RANBP2: variants seen among roughly 807,000 people sequenced by gnomAD.
RANBP2 encodes the protein E3 SUMO-protein ligase RanBP2.
RANBP2 carries 57 observed loss-of-function variants against 303.6 expected under a neutral mutation model. The ratio of observed to expected loss-of-function variants is 0.19; its 90% CI spans 0.15 to 0.23. The LOEUF (loss-of-function observed/expected upper bound fraction) is 0.23. RANBP2 is among the 10% of genes least tolerant of loss of function. RANBP2 has a pLI of 1.00. For missense variants in RANBP2, 3,138 were observed against 3,780.8 expected, an observed-to-expected ratio of 0.83 and a Z score of 4.46; for synonymous variants, 1,167 against 1,301.5, an observed-to-expected ratio of 0.90 and a Z score of 2.23.
At chr2:109,625,430 G>A in the RANBP2 span, among the ~76,000 whole-genome samples, 5 of 151,650 alleles carry the variant, frequency 3.3e-5, no homozygotes, top group Admixed American at 2.0e-4. Context: ...CGAGGCAGGC[G>A]GATCGCGAGG....
chr2:109,451,331 G>C, the RANBP2 span, among the ~76,000 whole-genome samples: 1 of 152,132 alleles, frequency 6.6e-6, no homozygotes, highest in East Asian at 1.9e-4. Context: ...GGGAGAGGTG[G>C]GATTCACAGT....
chr2:109,031,402 C>CAGCCCCGT, the RANBP2 span, among the ~76,000 whole-genome samples: 6 of 152,178 alleles, frequency 3.9e-5, no homozygotes, highest in Non-Finnish European at 5.9e-5. Context: ...ATAAGGTTAT[C>CAGCCCCGT]AGCCCCGTTC....
chr2:108,843,238 A>G, the RANBP2 span, among the ~76,000 whole-genome samples: 3 of 151,938 alleles, frequency 2.0e-5, no homozygotes, highest in South Asian at 2.1e-4. Context: ...GCTCACTGCA[A>G]CCTCCGTCTG....
the RANBP2 span, among the ~76,000 whole-genome samples, chr2:109,096,741 C>CT: frequency 6.6e-6 from 1 of 150,682 alleles, no homozygotes; most frequent in Admixed American, 6.6e-5. Flanking sequence ...GCTGGCGATC[C>CT]TTTTTTGTTT....
the RANBP2 span, among the ~76,000 whole-genome samples, chr2:109,325,196 T>A: frequency 6.6e-6 from 1 of 152,096 alleles, no homozygotes; most frequent in Non-Finnish European, 1.5e-5. Flanking sequence ...AAGATCAGTG[T>A]CTCACTTCAT....
At chr2:109,732,937 G>A in the RANBP2 span, 1 of 684,752 alleles carries the variant, frequency 1.5e-6, no homozygotes, top group East Asian at 3.2e-5. Context: ...GAGAGGAACT[G>A]TCAAACGGTG....
At chr2:109,350,597 C>T in the RANBP2 span, among the ~76,000 whole-genome samples, 3 of 152,176 alleles carry the variant, frequency 2.0e-5, no homozygotes, top group Admixed American at 6.5e-5. Flanking sequence ...CCTCAGTGTC[C>T]GCAAATAAAG....
At chr2:108,740,827 A>G in intron 7 of RANBP2, 146 bp downstream of exon 7, 1 of 1,375,342 alleles carries the variant, frequency 7.3e-7, no homozygotes, top group Non-Finnish European at 9.9e-7. Flanking sequence ...AGTGGAAAAT[A>G]ACTAAGCATA....
At chr2:108,768,847 G>A (rs1382257741) in intron 20 of RANBP2, among the ~76,000 whole-genome samples, 12 of 152,158 alleles carry the variant, frequency 7.9e-5, no homozygotes, top group South Asian at 2.1e-4. Context: ...AGCCTGGCCA[G>A]CATGGTGAAA....
At chr2:108,771,969 T>C (rs1368728381) in intron 21 of RANBP2, 98 bp downstream of exon 21, 10 of 1,416,246 alleles carry the variant, frequency 7.1e-6, no homozygotes, top group Middle Eastern at 1.8e-4. Context: ...TTAGAACTTA[T>C]CACTAATATC....
the RANBP2 span, among the ~76,000 whole-genome samples, chr2:109,462,819 T>TA: frequency 6.6e-6 from 1 of 152,170 alleles, no homozygotes; most frequent in Non-Finnish European, 1.5e-5. Flanking sequence ...GGACATGAGA[T>TA]AAAACTCCAC....
chr2:109,154,898 T>C, the RANBP2 span, among the ~76,000 whole-genome samples: 117 of 152,344 alleles, frequency 7.7e-4, 2 homozygotes, highest in African/African-American at 2.8e-3. Flanking sequence ...TCCAGCTTCC[T>C]CAGGTGGCCT....
rs181871221 is a variant in RANBP2 at position 108,736,352 on chromosome 2, T to G, written c.782+103T>G. 1,912 of 1,599,816 alleles carry G rather than the reference T, an allele frequency of 1.2e-3. 4 individuals carry two copies. Among genetic ancestry groups the G allele is most frequent in the Non-Finnish European group, 1.5e-3 (1,699 of 1,169,708 alleles). On this transcript the variant is annotated intron_variant, in intron 6 of 28. Coordinates refer to ENST00000283195, the MANE Select transcript of RANBP2 (RefSeq NM_006267.5). ...CTTCACTGAATCATTATTTGTATAATGTACCTAGGAGTTATAGTTAATACA... is the reference window on the plus strand; with the variant it reads ...CTTCACTGAATCATTATTTGTATAAGGTACCTAGGAGTTATAGTTAATACA...
the RANBP2 span, among the ~76,000 whole-genome samples, chr2:109,274,939 T>A: frequency 6.6e-6 from 1 of 152,032 alleles, no homozygotes; most frequent in African/African-American, 2.4e-5. Flanking sequence ...TGCCATTGAA[T>A]TGTTCACTTT....
chr2:108,996,554 G>A, the RANBP2 span, among the ~76,000 whole-genome samples: 1,104 of 152,278 alleles, frequency 7.2e-3, 8 homozygotes, highest in South Asian at 0.029. Context: ...TACCCCAGAC[G>A]GGATCTAGGG....
chr2:109,381,545 C>T, the RANBP2 span, among the ~76,000 whole-genome samples: 1 of 152,098 alleles, frequency 6.6e-6, no homozygotes, highest in Non-Finnish European at 1.5e-5. Context: ...TGCCCTGACT[C>T]AGCTTCCAGT....
chr2:109,773,189 A>AAGT, the RANBP2 span, among the ~76,000 whole-genome samples: 1 of 151,394 alleles, frequency 6.6e-6, no homozygotes, highest in African/African-American at 2.4e-5. Flanking sequence ...AGAGAATGAG[A>AAGT]AGTAGGCTGC....
the RANBP2 span, among the ~76,000 whole-genome samples, chr2:109,657,808 C>A: frequency 6.7e-6 from 1 of 149,198 alleles, no homozygotes; most frequent in Non-Finnish European, 1.5e-5. Flanking sequence ...CAACCTCCTC[C>A]TCCTGGGCTC....
At chr2:109,184,290 T>G in the RANBP2 span, among the ~76,000 whole-genome samples, 1 of 152,202 alleles carries the variant, frequency 6.6e-6, no homozygotes, top group Admixed American at 6.5e-5. Context: ...TCCTTCTCCC[T>G]TACTTCAAAT....
Sources: gnomAD v4.1 joint callset for allele counts (sites outside exome capture counted in the v4.1 genomes callset) on GRCh38, gnomAD v4.1.1 for gene constraint, MANE v1.5 for transcripts, NCBI Gene and HGNC (gene_info 2026-07-23, HGNC 2026-07-21) for gene names.